VWC2L: variants seen among roughly 807,000 people sequenced by gnomAD.
The protein encoded by VWC2L is von Willebrand factor C domain-containing protein 2-like.
A neutral mutation model predicts 21.6 loss-of-function variants in VWC2L; 10 were observed. The ratio of observed to expected loss-of-function variants is 0.46; its 90% confidence interval spans 0.29 to 0.78. The LOEUF is 0.78. VWC2L is among the 30% of genes least tolerant of loss of function. The probability of loss-of-function intolerance (pLI) is 0.10; values close to 1 mark genes in which losing one functional copy is unlikely to be tolerated. For missense variants in VWC2L, 209 were observed against 277.1 expected (o/e 0.75, Z 1.74); for synonymous variants, 96 against 94.3 (o/e 1.02, Z -0.10).
intron 3 of VWC2L, among the ~76,000 whole-genome samples, chr2:214,496,884 G>C (rs537711000): frequency 6.6e-6 from 1 of 152,248 alleles, no homozygotes; most frequent in Admixed American, 6.6e-5. Flanking sequence ...ATCAGAAATG[G>C]AGGTGTATTT....
Position 214,556,551 on chromosome 2 carries a change from C to G in VWC2L, c.521-19121C>G, listed in dbSNP as rs186333984. 3.8e-3 allele frequency among the ~76,000 whole-genome samples: 577 copies of G among 152,282 alleles called. 16 individuals carry two copies. The highest frequency in any genetic ancestry group is 0.036 in the Admixed American group (552 of 15,298). On this transcript the variant is annotated intron_variant, in intron 3 of 3. Coordinates refer to ENST00000312504, the MANE Select transcript of VWC2L (RefSeq NM_001080500.4). Reference sequence around the variant, plus strand: ...AGAGTTACCCCCACCCGAAAAAATACCCTACAACAATATAATATCTTTTGA... The same window carrying G: ...AGAGTTACCCCCACCCGAAAAAATAGCCTACAACAATATAATATCTTTTGA...
intron 3 of VWC2L, among the ~76,000 whole-genome samples, chr2:214,497,824 C>T (rs951594224): frequency 6.6e-6 from 1 of 152,134 alleles, no homozygotes; most frequent in African/African-American, 2.4e-5. Context: ...GTTTGAGAAC[C>T]GCTGCTCTCT....
intron 3 of VWC2L, among the ~76,000 whole-genome samples, chr2:214,513,832 C>T (rs904886539): frequency 1.3e-5 from 2 of 152,016 alleles, no homozygotes; most frequent in Non-Finnish European, 2.9e-5. Context: ...TCAAATCTTC[C>T]GGAAAGCTCT....
At chr2:214,479,109 A>T (rs1267713296) in intron 3 of VWC2L, among the ~76,000 whole-genome samples, 21 of 152,172 alleles carry the variant, frequency 1.4e-4, no homozygotes, top group Admixed American at 1.4e-3. Context: ...GATCTTGCAG[A>T]GGACCCCAAG....
chr2:214,487,032 G>A (rs1161775263), intron 3 of VWC2L, among the ~76,000 whole-genome samples: 1 of 152,186 alleles, frequency 6.6e-6, no homozygotes, highest in East Asian at 1.9e-4. Context: ...TAGGACTGGT[G>A]TCCCTATAAG....
chr2:214,502,401 CT>C (rs1448828478), intron 3 of VWC2L, among the ~76,000 whole-genome samples: 1 of 152,120 alleles, frequency 6.6e-6, no homozygotes, highest in Non-Finnish European at 1.5e-5. Flanking sequence ...GAAACCCCCC[CT>C]CTACTAAAAA....
chr2:214,514,873 G>C (rs975045764), intron 3 of VWC2L, among the ~76,000 whole-genome samples: 1 of 152,232 alleles, frequency 6.6e-6, no homozygotes, highest in Non-Finnish European at 1.5e-5. Flanking sequence ...GCTGTAGTCA[G>C]AAGGAAGATT....
intron 2 of VWC2L, among the ~76,000 whole-genome samples, chr2:214,433,262 G>C (rs548536439): frequency 6.6e-6 from 1 of 150,662 alleles, no homozygotes; most frequent in Non-Finnish European, 1.5e-5. Flanking sequence ...AAAGTAGTGA[G>C]TGAATGTTAC....
chr2:214,532,041 T>C (rs977835885), intron 3 of VWC2L, among the ~76,000 whole-genome samples: 45 of 152,218 alleles, frequency 3.0e-4, no homozygotes, highest in African/African-American at 1.0e-3. Context: ...GTGATTATAA[T>C]GGTTGTAACA....
At chr2:214,546,671 C>T (rs1227191444) in intron 3 of VWC2L, among the ~76,000 whole-genome samples, 1 of 151,916 alleles carries the variant, frequency 6.6e-6, no homozygotes, top group Admixed American at 6.6e-5. Flanking sequence ...ATAATATTTG[C>T]ATATTTTAAG....
chr2:214,465,479 A>C (rs897910429), intron 3 of VWC2L, among the ~76,000 whole-genome samples: 1 of 152,124 alleles, frequency 6.6e-6, no homozygotes, highest in African/African-American at 2.4e-5. Flanking sequence ...CTGGTGCCCT[A>C]TTCTACTGTG....
At chr2:214,495,226 A>AGGG (rs1464241715) in intron 3 of VWC2L, among the ~76,000 whole-genome samples, 1 of 152,174 alleles carries the variant, frequency 6.6e-6, no homozygotes, top group East Asian at 1.9e-4. Context: ...AAGGCTGCTA[A>AGGG]GAAAATCCCT....
intron 2 of VWC2L, among the ~76,000 whole-genome samples, chr2:214,421,937 G>A (rs2126172385): frequency 9.5e-6 from 1 of 105,254 alleles, no homozygotes; most frequent in East Asian, 2.9e-4. Context: ...TGTCGCCCAG[G>A]CTGGAGTGCA....
At chr2:214,572,078 A>T (rs1449306696) in intron 3 of VWC2L, among the ~76,000 whole-genome samples, 2 of 152,142 alleles carry the variant, frequency 1.3e-5, no homozygotes, top group Non-Finnish European at 1.5e-5. Flanking sequence ...CACCACAACC[A>T]GCCTACCTCC....
intron 2 of VWC2L, among the ~76,000 whole-genome samples, chr2:214,420,721 T>C (rs1702425909): frequency 6.6e-6 from 1 of 152,168 alleles, no homozygotes; most frequent in Non-Finnish European, 1.5e-5. Context: ...TTTAAGATAC[T>C]ATCCCAAGAA....
chr2:214,453,228 A>G (rs1703002173), intron 3 of VWC2L, among the ~76,000 whole-genome samples: 1 of 152,110 alleles, frequency 6.6e-6, no homozygotes, highest in Non-Finnish European at 1.5e-5. Flanking sequence ...TCCATGATTC[A>G]TTTTGAGTTA....
At chr2:214,556,777 T>C (rs536909905) in intron 3 of VWC2L, among the ~76,000 whole-genome samples, 4 of 152,298 alleles carry the variant, frequency 2.6e-5, no homozygotes, top group Admixed American at 6.5e-5. Context: ...CCTCCTCACT[T>C]CCTTATTCCT....
intron 2 of VWC2L, among the ~76,000 whole-genome samples, chr2:214,417,864 G>A (rs113516894): frequency 0.01 from 1,524 of 152,240 alleles, 19 homozygotes; most frequent in Middle Eastern, 0.038. Context: ...ATTAATAGTG[G>A]AGGAAGGAAG....
intron 3 of VWC2L, chr2:214,472,355 G>C (rs1176057968): frequency 6.6e-6 from 1 of 152,160 alleles, no homozygotes; most frequent in African/African-American, 2.4e-5. Flanking sequence ...TGTTTGCTAA[G>C]TGTCAAAACT....
Sources: gnomAD v4.1 joint callset for allele counts (sites outside exome capture counted in the v4.1 genomes callset) on GRCh38, gnomAD v4.1.1 for gene constraint, MANE v1.5 for transcripts, NCBI Gene and HGNC (gene_info 2026-07-23, HGNC 2026-07-21) for gene names.